The following RANBP2 variants were observed in gnomAD, a reference collection of about 807,000 sequenced individuals.
RANBP2 encodes E3 SUMO-protein ligase RanBP2.
RANBP2 carries 57 observed loss-of-function variants against 303.6 expected under a neutral mutation model. That is an observed-to-expected ratio of 0.19 (90% CI 0.15 to 0.23). The LOEUF is 0.23. Ranked by LOEUF, RANBP2 falls within the 10% of genes least tolerant of loss-of-function variation. The pLI is 1.00. For synonymous variants in RANBP2, 1,167 were observed against 1,301.5 expected, an observed-to-expected ratio of 0.90 and a Z score of 2.23; for missense variants, 3,138 against 3,780.8, an observed-to-expected ratio of 0.83 and a Z score of 4.46.
chr2:108,910,921 G>C, the RANBP2 span: 3 of 1,614,098 alleles, frequency 1.9e-6, no homozygotes, highest in Admixed American at 3.3e-5. Context: ...CCAGGAAGCA[G>C]GGCACCGGCG....
chr2:109,052,768 G>A, the RANBP2 span, among the ~76,000 whole-genome samples: 3 of 152,066 alleles, frequency 2.0e-5, no homozygotes, highest in African/African-American at 4.8e-5. Flanking sequence ...CCAAAGTGCT[G>A]GGATTACAGG....
the RANBP2 span, among the ~76,000 whole-genome samples, chr2:109,549,896 C>G: frequency 2.0e-5 from 3 of 152,136 alleles, no homozygotes; most frequent in African/African-American, 7.2e-5. Context: ...TATTTTCAGA[C>G]CGTAGTTGAC....
chr2:109,419,033 T>C, the RANBP2 span, among the ~76,000 whole-genome samples: 169 of 152,270 alleles, frequency 1.1e-3, 1 homozygote, highest in African/African-American at 3.9e-3. Flanking sequence ...TGGAGCACTT[T>C]GGGGTCTTGG....
chr2:109,385,937 A>G, the RANBP2 span, among the ~76,000 whole-genome samples: 2 of 152,238 alleles, frequency 1.3e-5, no homozygotes, highest in Non-Finnish European at 2.9e-5. Context: ...TTTGCAACAC[A>G]GTGCATCTGT....
At chr2:108,795,927 T>C in the RANBP2 span, among the ~76,000 whole-genome samples, 1 of 152,112 alleles carries the variant, frequency 6.6e-6, no homozygotes, top group Non-Finnish European at 1.5e-5. Context: ...CTTTATAGGA[T>C]AAAAAAGAAT....
the RANBP2 span, chr2:109,567,747 A>G: frequency 6.3e-6 from 9 of 1,428,522 alleles, no homozygotes; most frequent in Non-Finnish European, 8.5e-6. Context: ...ATTAGCAGCA[A>G]TATTACTCAC....
chr2:108,988,134 C>A, the RANBP2 span, among the ~76,000 whole-genome samples: 1 of 152,200 alleles, frequency 6.6e-6, no homozygotes. Flanking sequence ...GCCCACTGAC[C>A]GGCATCTGCC....
the RANBP2 span, among the ~76,000 whole-genome samples, chr2:109,397,890 C>T: frequency 1.3e-5 from 2 of 152,240 alleles, no homozygotes; most frequent in African/African-American, 2.4e-5. Flanking sequence ...CTCTTCACTG[C>T]GCACAACGCC....
chr2:108,860,935 C>CTTTGTTTTTTTTTTT, the RANBP2 span, among the ~76,000 whole-genome samples: 1 of 37,912 alleles, frequency 2.6e-5, no homozygotes, highest in Non-Finnish European at 4.4e-5. Context: ...TGGTCCAGGA[C>CTTTGTTTTTTTTTTT]TTTTTTTTTT....
chr2:108,764,847 T>G lies in RANBP2; in HGVS notation c.4308T>G (p.Ile1436Met). The change falls in exon 20 of 29, where the codon ATT (isoleucine) becomes ATG (methionine). Residue 1436 changes from isoleucine (I) to methionine (M), a missense_variant. By Grantham distance (10) the Ile-to-Met change is conservative (BLOSUM62 1). Coordinates refer to ENST00000283195, the MANE Select transcript of RANBP2 (RefSeq NM_006267.5). ...ATGAACCTACTGTATCTAGGTGCAT[T>G]GCGTGTCAGAATACAAAATCTGCTA... ...VRNEPTVSRC[I>M]ACQNTKSANK... is the part of the protein sequence containing the mutation. The G allele has an allele frequency of 1.2e-6, 2 of 1,614,058 alleles. No homozygotes were observed. Among genetic ancestry groups the G allele is most frequent in the Non-Finnish European group, 1.7e-6 (2 of 1,179,934 alleles).
chr2:109,585,769 C>G, the RANBP2 span: 1 of 1,613,920 alleles, frequency 6.2e-7, no homozygotes, highest in Non-Finnish European at 8.5e-7. Context: ...GATCTGTTCA[C>G]CAGCTGATCA....
chr2:108,818,675 T>C, the RANBP2 span, among the ~76,000 whole-genome samples: 2 of 152,202 alleles, frequency 1.3e-5, no homozygotes, highest in Non-Finnish European at 2.9e-5. Context: ...TTTTAAATAA[T>C]GTAACCTTAT....
chr2:109,214,475 A>G, the RANBP2 span, among the ~76,000 whole-genome samples: 5 of 124,376 alleles, frequency 4.0e-5, no homozygotes, highest in South Asian at 2.6e-4. Context: ...AGAAAAGAGA[A>G]AAAAAAAAAA....
At chr2:109,273,538 G>T in the RANBP2 span, among the ~76,000 whole-genome samples, 1 of 152,350 alleles carries the variant, frequency 6.6e-6, no homozygotes, top group African/African-American at 2.4e-5. Flanking sequence ...CACTGGGCAC[G>T]TGTTTAGTGA....
chr2:109,590,035 T>C, the RANBP2 span, among the ~76,000 whole-genome samples: 1 of 147,920 alleles, frequency 6.8e-6, no homozygotes, highest in Non-Finnish European at 1.5e-5. Flanking sequence ...CACACATATA[T>C]ACACACATAT....
chr2:108,861,441 A>T, the RANBP2 span, among the ~76,000 whole-genome samples: 4 of 131,322 alleles, frequency 3.0e-5, no homozygotes, highest in African/African-American at 1.0e-4. Context: ...TTCTTTTTTT[A>T]TGTAGACATT....
At chr2:108,954,335 T>G in the RANBP2 span, among the ~76,000 whole-genome samples, 1 of 152,344 alleles carries the variant, frequency 6.6e-6, no homozygotes, top group East Asian at 1.9e-4. Context: ...CCCATCTTAA[T>G]GTATATGCTT....
the RANBP2 span, chr2:109,130,103 C>A: frequency 7.5e-7 from 1 of 1,333,670 alleles, no homozygotes; most frequent in South Asian, 2.0e-5. Flanking sequence ...AGGACCGCGC[C>A]GGCGGCAAAG....
At chr2:108,983,011 T>G in the RANBP2 span, among the ~76,000 whole-genome samples, 1 of 152,164 alleles carries the variant, frequency 6.6e-6, no homozygotes, top group Non-Finnish European at 1.5e-5. Context: ...TTATTGGAGA[T>G]TTTATTGCCC....
Sources: gnomAD v4.1 joint callset for allele counts (sites outside exome capture counted in the v4.1 genomes callset) on GRCh38, gnomAD v4.1.1 for gene constraint, MANE v1.5 for transcripts, NCBI Gene and HGNC (gene_info 2026-07-23, HGNC 2026-07-21) for gene names.